MALRD1: variants seen among roughly 807,000 people sequenced by gnomAD.
MALRD1 encodes MAM and LDL-receptor class A domain-containing protein 1.
A neutral mutation model predicts 242.1 loss-of-function variants in MALRD1; 247 were observed. The ratio of observed to expected loss-of-function variants is 1.02; its 90% CI spans 0.92 to 1.13. The LOEUF (loss-of-function observed/expected upper bound fraction) is 1.13. MALRD1 is among the 50% of genes most tolerant of loss of function. MALRD1 has a pLI of 0.00. For synonymous variants in MALRD1, 995 were observed against 866.6 expected, an observed-to-expected ratio of 1.15 and a Z score of -2.60; for missense variants, 2,989 against 2,533.1, an observed-to-expected ratio of 1.18 and a Z score of -3.86.
chr10:19,721,664 C>T (rs543819257), intron 38 of MALRD1: 2 of 152,320 alleles, frequency 1.3e-5, no homozygotes, highest in South Asian at 4.1e-4. Flanking sequence ...AGGAAGACCA[C>T]AGGTCTTTAT....
chr10:19,490,133 A>G (rs1837416722), intron 29 of MALRD1, among the ~76,000 whole-genome samples: 1 of 152,182 alleles, frequency 6.6e-6, no homozygotes, highest in Admixed American at 6.5e-5. Flanking sequence ...GATTTTTGGT[A>G]CATGTCTTAG....
chr10:19,561,829 C>T (rs2131441682), intron 32 of MALRD1, among the ~76,000 whole-genome samples: 1 of 152,094 alleles, frequency 6.6e-6, no homozygotes, highest in African/African-American at 2.4e-5. Context: ...TTATATTTTC[C>T]CTCCTATACT....
intron 5 of MALRD1, among the ~76,000 whole-genome samples, 179 bp from the exon 6 acceptor site, chr10:19,123,305 ATGTGTGTG>A (rs35317209): frequency 1.3e-5 from 2 of 149,880 alleles, no homozygotes; most frequent in East Asian, 3.9e-4. Flanking sequence ...AGTGGTGTGT[ATGTGTGTG>A]TGTGTGTGTG....
intron 32 of MALRD1, among the ~76,000 whole-genome samples, chr10:19,543,433 C>CTTTTTTTTTTTTTTTTT (rs71388849): frequency 8.5e-5 from 9 of 106,434 alleles, no homozygotes; most frequent in Admixed American, 1.1e-4. Context: ...CAGCTGATTT[C>CTTTTTTTTTTTTTTTTT]TTTTTTTTTT....
At chr10:19,531,144 C>T in intron 31 of MALRD1, 50 bp from the exon 32 acceptor site, 1 of 1,436,792 alleles carries the variant, frequency 7.0e-7, no homozygotes, top group Non-Finnish European at 9.5e-7. Context: ...CATTCCGACT[C>T]ATGCGATATT....
Position 19,375,842 on chromosome 10 carries a change from G to C in MALRD1, c.4442-11686G>C, listed in dbSNP as rs182766096. On this transcript the variant is annotated intron_variant, in intron 26 of 39. Transcript: ENST00000454679. The stretch of plus-strand genomic sequence containing the variant: ...TTTCCAAAAAGAAAAATCTCCAGGC[G>C]GCCAGACACATTGGCTCATGCCTGT... 9.5e-4 allele frequency among the ~76,000 whole-genome samples: 145 copies of C among 152,296 alleles called. 1 individual carries two copies. Among genetic ancestry groups the C allele is most frequent in the African/African-American group, 3.2e-3 (134 of 41,558 alleles).
chr10:19,358,802 C>T (rs546423162), intron 26 of MALRD1, among the ~76,000 whole-genome samples: 16 of 152,246 alleles, frequency 1.1e-4, no homozygotes, highest in African/African-American at 3.8e-4. Flanking sequence ...AAACTGTACA[C>T]ATGGTGACAT....
chr10:19,709,243 TAAAAA>T (rs557818453), intron 38 of MALRD1, among the ~76,000 whole-genome samples: 1,381 of 105,960 alleles, frequency 0.013, 23 homozygotes, highest in African/African-American at 0.037. Flanking sequence ...CCGTCTGTAC[TAAAAA>T]AAAAAAAAAA....
intron 13 of MALRD1, among the ~76,000 whole-genome samples, chr10:19,168,680 T>C (rs1234935201): frequency 2.6e-5 from 4 of 152,230 alleles, no homozygotes; most frequent in Non-Finnish European, 5.9e-5. Flanking sequence ...AGTTTGTAGA[T>C]GGGCAGTGGT....
At chr10:19,580,046 C>T (rs1459096635) in intron 33 of MALRD1, among the ~76,000 whole-genome samples, 4 of 152,070 alleles carry the variant, frequency 2.6e-5, no homozygotes, top group East Asian at 1.9e-4. Context: ...ACTATAGCAC[C>T]GTATGGAAAT....
intron 23 of MALRD1, among the ~76,000 whole-genome samples, chr10:19,328,992 T>C (rs1405171879): frequency 6.6e-6 from 1 of 152,204 alleles, no homozygotes; most frequent in East Asian, 1.9e-4. Flanking sequence ...GCATGTAAAA[T>C]ATTTGTATAG....
At chr10:19,604,316 T>G (rs1838505089) in intron 34 of MALRD1, among the ~76,000 whole-genome samples, 1 of 152,186 alleles carries the variant, frequency 6.6e-6, no homozygotes, top group Admixed American at 6.5e-5. Flanking sequence ...TTGATACCAC[T>G]ATTATTTAGT....
chr10:19,715,870 T>A (rs946023727), intron 38 of MALRD1, among the ~76,000 whole-genome samples: 4 of 152,176 alleles, frequency 2.6e-5, no homozygotes, highest in African/African-American at 9.7e-5. Context: ...CATGGATTCC[T>A]AGAGTGAGAA....
chr10:19,319,358 A>G (rs1842829047), intron 21 of MALRD1, among the ~76,000 whole-genome samples: 2 of 152,086 alleles, frequency 1.3e-5, no homozygotes, highest in Admixed American at 1.3e-4. Flanking sequence ...TAACTAACTT[A>G]TTCAGTTCAT....
At chr10:19,199,410 C>T (rs958194712) in intron 14 of MALRD1, among the ~76,000 whole-genome samples, 3 of 152,168 alleles carry the variant, frequency 2.0e-5, no homozygotes, top group Admixed American at 2.0e-4. Flanking sequence ...AGAGGATAGC[C>T]TTTGCCATCA....
At chr10:19,198,353 C>T (rs989847918) in intron 14 of MALRD1, among the ~76,000 whole-genome samples, 5 of 152,124 alleles carry the variant, frequency 3.3e-5, no homozygotes, top group African/African-American at 1.2e-4. Flanking sequence ...CAGAGAGGTG[C>T]CCAGGTAGAT....
In MALRD1 at chr10:19,066,813, G is replaced by C; in HGVS notation, c.294G>C (p.Met98Ile). ...CTAGTTGGACAAAGAGAAGTGGGAT[G>C]ATTGGTCTATCACCTCCATTTTATG... ...LQPSWTKRSG[M>I]IGLSPPFYDH... The change falls in exon 2 of 40, where the codon ATG becomes ATC. Residue 98 changes from methionine (M) to isoleucine (I), a missense_variant. Met to Ile is a conservative substitution (Grantham distance 10). Transcript: ENST00000454679. 8.1e-7 allele frequency: 1 copy of C among 1,233,744 alleles called. No homozygotes were observed. Among genetic ancestry groups the C allele is most frequent in the African/African-American group, 1.5e-5 (1 of 64,616 alleles). 76.4% of individuals were successfully genotyped at this position (1,233,744 alleles called of 1,614,324 possible).
At chr10:19,256,570 A>C (rs1839524557) in intron 18 of MALRD1, among the ~76,000 whole-genome samples, 2 of 152,062 alleles carry the variant, frequency 1.3e-5, no homozygotes, top group Non-Finnish European at 2.9e-5. Flanking sequence ...CAGGGGGACT[A>C]TATTTGCCCA....
At chr10:19,128,878 C>T (rs1474600595) in intron 8 of MALRD1, among the ~76,000 whole-genome samples, 1 of 152,060 alleles carries the variant, frequency 6.6e-6, no homozygotes, top group Non-Finnish European at 1.5e-5. Context: ...CTCTCCTTGT[C>T]CAATATGCTC....
Sources: allele counts gnomAD v4.1 joint callset (sites outside exome capture counted in the v4.1 genomes callset), GRCh38; gene constraint gnomAD v4.1.1; transcripts MANE v1.5; gene names NCBI Gene and HGNC (gene_info 2026-07-23, HGNC 2026-07-21).